Variants in PDLIM5 observed in about 807,000 individuals in gnomAD.
The protein encoded by PDLIM5 is PDZ and LIM domain 5.
A neutral mutation model predicts 64.2 loss-of-function variants in PDLIM5; 34 were observed. That is an observed-to-expected ratio of 0.53 (90% CI 0.40 to 0.71). The LOEUF (loss-of-function observed/expected upper bound fraction) is 0.71, where lower values mean the gene tolerates loss of function less well. PDLIM5 is among the 30% of genes least tolerant of loss of function. PDLIM5 has a pLI of 0.00. For synonymous variants in PDLIM5, 253 were observed against 269.1 expected, an observed-to-expected ratio of 0.94 and a Z score of 0.59; for missense variants, 683 against 733.6, an observed-to-expected ratio of 0.93 and a Z score of 0.80.
chr4:94,658,844 T>C (rs1166589459), intron 11 of PDLIM5, among the ~76,000 whole-genome samples: 1 of 152,218 alleles, frequency 6.6e-6, no homozygotes, highest in African/African-American at 2.4e-5. Flanking sequence ...ACCAGAATAC[T>C]TCATATTTTG....
At chr4:94,584,477 A>G (rs1735997504) in intron 5 of PDLIM5, 1 of 152,696 alleles carries the variant, frequency 6.5e-6, no homozygotes, top group African/African-American at 2.4e-5. Flanking sequence ...GTGATATTCA[A>G]GAGACTGACT....
At chr4:94,579,581 A>C in intron 5 of PDLIM5, 1 of 1,077,504 alleles carries the variant, frequency 9.3e-7, no homozygotes, top group Non-Finnish European at 1.3e-6. Flanking sequence ...TGATTTATAT[A>C]TGAGTAAACA....
At chr4:94,613,474 ACTTT>A (rs1220539747) in intron 7 of PDLIM5, among the ~76,000 whole-genome samples, 1 of 152,184 alleles carries the variant, frequency 6.6e-6, no homozygotes, top group African/African-American at 2.4e-5. Context: ...ACTGAGGTTA[ACTTT>A]CTTCCTTTTC....
chr4:94,540,023 A>C (rs1237334673), intron 3 of PDLIM5, among the ~76,000 whole-genome samples: 1 of 152,116 alleles, frequency 6.6e-6, no homozygotes, highest in Non-Finnish European at 1.5e-5. Flanking sequence ...ACTACTAATA[A>C]TAATACTTAT....
intron 7 of PDLIM5, chr4:94,588,330 G>A (rs533678851): frequency 2.9e-5 from 6 of 203,394 alleles, no homozygotes; most frequent in East Asian, 1.9e-4. Context: ...TTGGGAGGCC[G>A]AGGCGGGCAG....
At chr4:94,606,822 A>C (rs75149361) in intron 7 of PDLIM5, among the ~76,000 whole-genome samples, 1 of 152,240 alleles carries the variant, frequency 6.6e-6, no homozygotes, top group African/African-American at 2.4e-5. Flanking sequence ...AGCCATAGAC[A>C]TATGAAGAAT....
At chr4:94,607,405 T>G (rs918040237) in intron 7 of PDLIM5, among the ~76,000 whole-genome samples, 1 of 152,176 alleles carries the variant, frequency 6.6e-6, no homozygotes, top group Admixed American at 6.5e-5. Flanking sequence ...CTTCTAGAAC[T>G]TACTTCTGGC....
At chr4:94,486,742 C>T (rs181748532) in intron 2 of PDLIM5, among the ~76,000 whole-genome samples, 2 of 152,324 alleles carry the variant, frequency 1.3e-5, no homozygotes, top group African/African-American at 4.8e-5. Flanking sequence ...TGGCTCATGC[C>T]TGCAATCCCA....
Position 94,575,948 on chromosome 4 carries a change from A to C in PDLIM5, c.624A>C (p.Thr208=). The stretch of plus-strand genomic sequence containing the variant: ...CAGTTAATGTCCCACGGCAGCCCAC[A>C]GTCACCAGCGTGTGTTCCGAGACTT... The part of the protein sequence containing the change: ...KTAVNVPRQP[T]VTSVCSETSQ... Residue 208 remains threonine, a synonymous_variant, in exon 5 of 13, where the codon ACA becomes ACC. Coordinates refer to ENST00000317968, the MANE Select transcript of PDLIM5 (RefSeq NM_006457.5). 1 of 1,614,162 alleles carries C rather than the reference A, an allele frequency of 6.2e-7. No individual in the cohort carries two copies. Among genetic ancestry groups the C allele is most frequent in the African/African-American group, 1.3e-5 (1 of 75,056 alleles).
In PDLIM5 at chr4:94,553,389, G is replaced by A. The variant is rs755245380; in HGVS notation, c.249-19962G>A. On this transcript the variant is annotated intron_variant, in intron 3 of 12. Coordinates refer to ENST00000317968, the MANE Select transcript of PDLIM5 (RefSeq NM_006457.5). ...CTCCCAAAGTGCTGGGATTACAGGC[G>A]TGAGCCACCGCACCCAGCCAAATGA... Among the ~76,000 whole-genome samples the A allele has an allele frequency of 5.8e-4, 88 of 152,312 alleles. 1 individual carries two copies. Among genetic ancestry groups the A allele is most frequent in the African/African-American group, 1.9e-3 (81 of 41,572 alleles).
At chr4:94,494,299 C>A (rs56925162) in intron 2 of PDLIM5, among the ~76,000 whole-genome samples, 1 of 151,906 alleles carries the variant, frequency 6.6e-6, no homozygotes, top group Non-Finnish European at 1.5e-5. Flanking sequence ...TCATGCGCTT[C>A]TGCATGTATA....
intron 9 of PDLIM5, among the ~76,000 whole-genome samples, chr4:94,651,250 TA>T (rs987743316): frequency 3.9e-5 from 6 of 152,220 alleles, no homozygotes; most frequent in African/African-American, 1.4e-4. Context: ...AGTATCAAGT[TA>T]GGCCAGTAGT....
chr4:94,504,586 G>C (rs1187811599), intron 2 of PDLIM5, among the ~76,000 whole-genome samples: 1 of 152,000 alleles, frequency 6.6e-6, no homozygotes, highest in East Asian at 1.9e-4. Flanking sequence ...TGCCTGGCCC[G>C]TTACGCTATT....
chr4:94,511,308 T>G (rs1728849662), intron 2 of PDLIM5, among the ~76,000 whole-genome samples: 1 of 152,176 alleles, frequency 6.6e-6, no homozygotes, highest in African/African-American at 2.4e-5. Context: ...GCATACCTTT[T>G]TATTATTTTT....
chr4:94,536,133 C>T (rs1207593954), intron 3 of PDLIM5, among the ~76,000 whole-genome samples: 1 of 151,974 alleles, frequency 6.6e-6, no homozygotes, highest in African/African-American at 2.4e-5. Flanking sequence ...GACGCACAGA[C>T]CAAAAATATT....
chr4:94,481,329 C>T (rs531837385), intron 2 of PDLIM5, among the ~76,000 whole-genome samples: 2 of 144,580 alleles, frequency 1.4e-5, no homozygotes, highest in African/African-American at 2.6e-5. Context: ...CTTGCTCTGT[C>T]GCTAGGCTGG....
At chr4:94,625,904 G>A (rs1739656493) in intron 8 of PDLIM5, among the ~76,000 whole-genome samples, 2 of 152,108 alleles carry the variant, frequency 1.3e-5, no homozygotes, top group South Asian at 4.1e-4. Flanking sequence ...AGACAGTTTG[G>A]ATATGTAGTA....
intron 2 of PDLIM5, among the ~76,000 whole-genome samples, chr4:94,458,723 C>A (rs1035376279): frequency 1.5e-4 from 23 of 152,098 alleles, no homozygotes; most frequent in African/African-American, 4.8e-4. Context: ...ATTCCATTTT[C>A]TTTAGATTTT....
At chr4:94,469,967 T>A (rs1724707790) in intron 2 of PDLIM5, among the ~76,000 whole-genome samples, 1 of 130,728 alleles carries the variant, frequency 7.6e-6, no homozygotes, top group South Asian at 2.6e-4. Context: ...TTAATTTTTT[T>A]TTTTTTTTTT....
Sources: gnomAD v4.1 joint callset for allele counts (sites outside exome capture counted in the v4.1 genomes callset) on GRCh38, gnomAD v4.1.1 for gene constraint, MANE v1.5 for transcripts, NCBI Gene and HGNC (gene_info 2026-07-23, HGNC 2026-07-21) for gene names.